TCF7L1: variants seen among roughly 807,000 people sequenced by gnomAD.
TCF7L1 encodes transcription factor 7-like 1.
Under a neutral mutation model 63.7 loss-of-function variants are expected in TCF7L1, and 18 were observed. The observed-to-expected ratio is 0.28, with a 90% CI of 0.20 to 0.42. The LOEUF is 0.42. TCF7L1 is among the 10% of genes least tolerant of loss of function. The probability of loss-of-function intolerance (pLI) is 1.00; values close to 1 mark genes in which losing one functional copy is unlikely to be tolerated. For synonymous variants in TCF7L1, 355 were observed against 340.9 expected, an observed-to-expected ratio of 1.04 and a Z score of -0.46; for missense variants, 654 against 779.3, an observed-to-expected ratio of 0.84 and a Z score of 1.91.
At chr2:85,291,431 A>G (rs181817951) in intron 4 of TCF7L1, among the ~76,000 whole-genome samples, 4 of 152,348 alleles carry the variant, frequency 2.6e-5, no homozygotes, top group Admixed American at 2.6e-4. Context: ...CCCACTTTGT[A>G]ACAAGAATCG....
chr2:85,134,144 C>A lies in TCF7L1; in HGVS notation c.313+65C>A. 1.3e-6 allele frequency: 2 copies of A among 1,576,748 alleles called. No individual in the cohort carries two copies. The highest frequency in any genetic ancestry group is 1.2e-5 in the South Asian group (1 of 86,912). ...GCTGCGCTCCGCTGCTCAGCCCGGG[C>A]GGCCCACCGTCCCCCTTGCTTGGGT... On this transcript the variant is annotated intron_variant, in intron 2 of 11. Coordinates refer to ENST00000282111, the MANE Select transcript of TCF7L1 (RefSeq NM_031283.3). This position sits in a 1 kb window ranked among gnomAD's most constrained non-coding sequence, Gnocchi z 5.0.
At chr2:85,163,383 C>T (rs1357660840) in intron 3 of TCF7L1, among the ~76,000 whole-genome samples, 1 of 152,128 alleles carries the variant, frequency 6.6e-6, no homozygotes, top group Non-Finnish European at 1.5e-5. Flanking sequence ...GAGTTGCCAG[C>T]AGTTCTTTCC....
chr2:85,156,769 G>A (rs976301463), intron 3 of TCF7L1, among the ~76,000 whole-genome samples: 1 of 152,224 alleles, frequency 6.6e-6, no homozygotes, highest in African/African-American at 2.4e-5. Flanking sequence ...TTCTGTGTGT[G>A]TATGTGTATA....
intron 3 of TCF7L1, among the ~76,000 whole-genome samples, chr2:85,216,108 C>T (rs1403878867): frequency 6.6e-6 from 1 of 152,132 alleles, no homozygotes; most frequent in East Asian, 1.9e-4. Flanking sequence ...AAGTCCACTG[C>T]ATTCAGGGCT....
At chr2:85,180,874 A>G (rs757321540) in intron 3 of TCF7L1, among the ~76,000 whole-genome samples, 4 of 152,210 alleles carry the variant, frequency 2.6e-5, no homozygotes, top group Non-Finnish European at 5.9e-5. Context: ...CAGCCAGCAA[A>G]TAGCAAGTAG....
At chr2:85,262,431 G>C (rs1680880489) in intron 3 of TCF7L1, among the ~76,000 whole-genome samples, 1 of 152,026 alleles carries the variant, frequency 6.6e-6, no homozygotes. Context: ...TGTAGGCTTA[G>C]GGCTTCCTCC....
Position 85,133,981 on chromosome 2 carries a change from G to T in TCF7L1, c.250-35G>T, listed in dbSNP as rs771259149. Reference sequence around the variant, plus strand: ...CCCGGGGGATCCCGGCCCTGCGTCCGCTCACCCGCTCTTGCCTTTGTGTCT... The same window carrying T: ...CCCGGGGGATCCCGGCCCTGCGTCCTCTCACCCGCTCTTGCCTTTGTGTCT... On this transcript the variant is annotated intron_variant, in intron 1 of 11. Transcript: ENST00000282111. The surrounding 1 kb of genome is among the most constrained non-coding windows in gnomAD (Gnocchi z 4.4). 11 of 1,594,932 alleles carry T rather than the reference G, an allele frequency of 6.9e-6. No individual in the cohort carries two copies. In the African/African-American group the frequency reaches 1.5e-4, roughly 22 times the overall value.
At chr2:85,289,076 T>C (rs1417705207) in intron 4 of TCF7L1, among the ~76,000 whole-genome samples, 2 of 152,232 alleles carry the variant, frequency 1.3e-5, no homozygotes, top group Admixed American at 1.3e-4. Context: ...TCAGAACTGT[T>C]TTTTAATTTT....
At chr2:85,155,335 A>G (rs888146795) in intron 3 of TCF7L1, among the ~76,000 whole-genome samples, 1 of 152,224 alleles carries the variant, frequency 6.6e-6, no homozygotes, top group African/African-American at 2.4e-5. Flanking sequence ...CACCCCAGCC[A>G]GCAGCAGCAG....
chr2:85,302,558 C>T lies in TCF7L1; in HGVS notation c.600C>T (p.Asp200=), dbSNP rs1287448815. ...CTCCCCTCATCACCTACAGCAATGA[C>T]CACTTCTCCCCCGGCTCCCCTCCCA... is the stretch of plus-strand genomic sequence containing the variant. The part of the protein sequence containing the change: ...PLTPLITYSN[D]HFSPGSPPTH... The change falls in exon 5 of 12, where the codon GAC becomes GAT. Residue 200 remains aspartate, a synonymous_variant. Coordinates refer to ENST00000282111, the MANE Select transcript of TCF7L1 (RefSeq NM_031283.3). The T allele has an allele frequency of 6.2e-7, 1 of 1,614,036 alleles. No individual in the cohort carries two copies. Among genetic ancestry groups the T allele is most frequent in the Admixed American group, 1.7e-5 (1 of 60,004 alleles).
At position 85,293,913 on chromosome 2, in the gene TCF7L1, G is replaced by A. The variant is rs189972794; in HGVS notation, c.526-8571G>A. Among the ~76,000 whole-genome samples, 34 of 151,850 alleles carry A rather than the reference G, an allele frequency of 2.2e-4. 1 individual carries two copies. Among genetic ancestry groups the A allele is most frequent in the Admixed American group, 2.0e-3 (30 of 15,232 alleles). The stretch of plus-strand genomic sequence containing the variant: ...GCAGCATCTTCCTTATCATCCGGTT[G>A]GTGGGTCTCTTGAGCAGGCATCGGA... On this transcript the variant is annotated intron_variant, in intron 4 of 11. Coordinates refer to ENST00000282111, the MANE Select transcript of TCF7L1 (RefSeq NM_031283.3).
chr2:85,176,468 T>C (rs1467872613), intron 3 of TCF7L1, among the ~76,000 whole-genome samples: 1 of 152,210 alleles, frequency 6.6e-6, no homozygotes, highest in Admixed American at 6.5e-5. Flanking sequence ...TAGCTGTTGT[T>C]TTCTCCTCCA....
At chr2:85,279,247 G>T (rs1681356877) in intron 3 of TCF7L1, among the ~76,000 whole-genome samples, 1 of 152,164 alleles carries the variant, frequency 6.6e-6, no homozygotes, top group Admixed American at 6.5e-5. Context: ...TGATCGTGGG[G>T]TTGGCCTTAC....
intron 3 of TCF7L1, among the ~76,000 whole-genome samples, chr2:85,217,966 A>G (rs1231149919): frequency 6.6e-6 from 1 of 152,124 alleles, no homozygotes; most frequent in East Asian, 1.9e-4. Context: ...GTTTTTATCA[A>G]AATAATTTTT....
chr2:85,290,373 G>A (rs903644461), intron 4 of TCF7L1, among the ~76,000 whole-genome samples: 8 of 151,458 alleles, frequency 5.3e-5, no homozygotes, highest in Admixed American at 3.9e-4. Flanking sequence ...TTAGGGTCTC[G>A]CTATGTTGCT....
intron 4 of TCF7L1, among the ~76,000 whole-genome samples, chr2:85,298,806 GCTGTGAACATCCTGC>G: frequency 6.6e-6 from 1 of 152,190 alleles, no homozygotes; most frequent in Non-Finnish European, 1.5e-5. Context: ...TTGGGTATAT[GCTGTGAACATCCTGC>G]CCCTGGGGGC....
At chr2:85,158,610 A>G (rs1678209490) in intron 3 of TCF7L1, among the ~76,000 whole-genome samples, 1 of 152,210 alleles carries the variant, frequency 6.6e-6, no homozygotes, top group Non-Finnish European at 1.5e-5. Context: ...AGGTCAGGTT[A>G]GTTTCGGAGG....
chr2:85,270,024 C>A (rs1573018432), intron 3 of TCF7L1, among the ~76,000 whole-genome samples: 1 of 152,190 alleles, frequency 6.6e-6, no homozygotes, highest in Admixed American at 6.5e-5. Flanking sequence ...TCTCCCGGTG[C>A]CCAGGAGTTG....
chr2:85,149,247 T>G (rs1448666662), intron 3 of TCF7L1, among the ~76,000 whole-genome samples: 3 of 150,290 alleles, frequency 2.0e-5, no homozygotes, highest in Non-Finnish European at 4.4e-5. Context: ...TTGTGTGAGT[T>G]CTTGATCAAA....
Sources: gnomAD v4.1 joint callset for allele counts (sites outside exome capture counted in the v4.1 genomes callset) on GRCh38, gnomAD v4.1.1 for gene constraint, Gnocchi (gnomAD v3.1) non-coding constraint, MANE v1.5 for transcripts, NCBI Gene and HGNC (gene_info 2026-07-23, HGNC 2026-07-21) for gene names.